Variants in NME8 observed in about 807,000 individuals in gnomAD.
The protein encoded by NME8 is NME/NM23 family member 8.
A neutral mutation model predicts 82.3 loss-of-function variants in NME8; 72 were observed. The observed-to-expected ratio is 0.87, with a 90% CI of 0.72 to 1.06. The LOEUF is 1.06. Among genes scored for constraint, NME8 ranks in the 50% least tolerant of loss-of-function variants. NME8 has a pLI of 0.00. For missense variants in NME8, 712 were observed against 685.4 expected, an observed-to-expected ratio of 1.04 and a Z score of -0.43; for synonymous variants, 267 against 228.5, an observed-to-expected ratio of 1.17 and a Z score of -1.52.
intron 11 of NME8, among the ~76,000 whole-genome samples, chr7:37,868,573 C>T (rs1005645936): frequency 1.1e-4 from 17 of 152,042 alleles, no homozygotes; most frequent in Non-Finnish European, 1.5e-4. Flanking sequence ...ACTGTGACTG[C>T]CCTGAAAGTT....
Position 37,850,420 on chromosome 7 carries a change from A to T in NME8, c.76A>T (p.Asn26Tyr). The T allele has an allele frequency of 6.2e-7, 1 of 1,614,122 alleles. No homozygotes were observed. The change falls in exon 4 of 18, where the codon AAC becomes TAC. Residue 26 changes from asparagine (N) to tyrosine (Y), a missense_variant. Coordinates refer to ENST00000199447, the MANE Select transcript of NME8 (RefSeq NM_016616.5). The part of the protein sequence containing the change: ...NQSLWDEMLQ[N>Y]KGLTVIDVYQ... ...AAGCCTGTGGGATGAGATGTTGCAG[A>T]ACAAAGGCTTAACAGGTATAAGGAC...
rs1784642860 is a variant in NME8, at chr7:37,864,359, A to G, written c.466A>G (p.Ser156Gly). 6.3e-7 allele frequency: 1 copy of G among 1,593,242 alleles called. No homozygotes were observed. The highest frequency in any genetic ancestry group is 8.6e-7 in the Non-Finnish European group (1 of 1,164,200). Reference sequence around the variant, plus strand: ...AAATTTTTTTCCAGAGGAATTATACAGTATTGCTATTATCAAACCGGATGC... The same window carrying G: ...AAATTTTTTTCCAGAGGAATTATACGGTATTGCTATTATCAAACCGGATGC... ...SPCESVQELY[S>G]IAIIKPDAVI... Residue 156 changes from serine (S) to glycine (G), a missense_variant, in exon 9 of 18, where the codon AGT becomes GGT. Physicochemically the swap from Ser to Gly is moderately conservative, Grantham distance 56 (BLOSUM62 0). Transcript: ENST00000199447.
At chr7:37,850,780 A>G in intron 5 of NME8, 45 bp downstream of exon 5, 1 of 1,201,788 alleles carries the variant, frequency 8.3e-7, no homozygotes, top group Non-Finnish European at 1.2e-6. Context: ...ACATTATATT[A>G]AGTTTTTAAG....
intron 8 of NME8, among the ~76,000 whole-genome samples, 183 bp downstream of exon 8, chr7:37,863,645 C>T (rs1032743979): frequency 3.3e-5 from 5 of 152,184 alleles, no homozygotes; most frequent in African/African-American, 7.2e-5. Context: ...TTTCCTCACT[C>T]GCCTTACCTT....
At chr7:37,859,647 A>G (rs868240483) in intron 6 of NME8, among the ~76,000 whole-genome samples, 1 of 152,072 alleles carries the variant, frequency 6.6e-6, no homozygotes, top group African/African-American at 2.4e-5. Context: ...CACTCCTGTC[A>G]TTTACCGACC....
chr7:37,855,081 C>G (rs1231757327), intron 5 of NME8, among the ~76,000 whole-genome samples: 1 of 152,092 alleles, frequency 6.6e-6, no homozygotes, highest in Non-Finnish European at 1.5e-5. Context: ...CTTCCAGGTC[C>G]TTATGAGCCC....
chr7:37,854,799 C>G (rs1260606729), intron 5 of NME8, among the ~76,000 whole-genome samples: 2 of 95,000 alleles, frequency 2.1e-5, no homozygotes, highest in Non-Finnish European at 5.7e-5. Flanking sequence ...ATCTTGAAAC[C>G]TTTCACCCCC....
At chr7:37,866,187 A>C (rs1165704003) in intron 10 of NME8, among the ~76,000 whole-genome samples, 1 of 152,052 alleles carries the variant, frequency 6.6e-6, no homozygotes, top group East Asian at 1.9e-4. Flanking sequence ...TAGCTACTAG[A>C]TACATGTGAT....
intron 17 of NME8, among the ~76,000 whole-genome samples, chr7:37,897,427 A>G (rs1785246542): frequency 2.0e-5 from 3 of 152,172 alleles, no homozygotes; most frequent in Admixed American, 6.5e-5. Context: ...GTCTTCTACC[A>G]TGATATAAAA....
chr7:37,857,176 T>C, intron 5 of NME8, 98 bp from the exon 6 acceptor site: 1 of 977,396 alleles, frequency 1.0e-6, no homozygotes, highest in Non-Finnish European at 1.6e-6. Flanking sequence ...GCAGTAAACC[T>C]AAAAATTATA....
At chr7:37,866,987 T>C (rs982145) in intron 10 of NME8, among the ~76,000 whole-genome samples, 117,132 of 152,134 alleles carry the variant, frequency 0.77, 45,435 homozygotes, top group African/African-American at 0.87. Context: ...ATGAGGCTTT[T>C]ACTGAATACA....
At chr7:37,882,571 GA>G (rs1443761671) in intron 12 of NME8, among the ~76,000 whole-genome samples, 1 of 36,680 alleles carries the variant, frequency 2.7e-5, no homozygotes, top group Non-Finnish European at 5.8e-5. Flanking sequence ...AAGAAAGAAA[GA>G]AAGAAAGAAA....
chr7:37,880,072 A>G (rs914458901), intron 12 of NME8, among the ~76,000 whole-genome samples: 4 of 128,248 alleles, frequency 3.1e-5, no homozygotes, highest in Non-Finnish European at 6.9e-5. Context: ...ATTGTTGAGT[A>G]GAAAGGTTTT....
At chr7:37,873,154 G>T (rs2722306) in intron 11 of NME8, among the ~76,000 whole-genome samples, 84,447 of 151,722 alleles carry the variant, frequency 0.56, 24,653 homozygotes, top group East Asian at 0.68. Flanking sequence ...GAAGTCAGGA[G>T]CTCAAGACCA....
In NME8 at chr7:37,865,547, T is replaced by C. The variant is rs773680993; in HGVS notation, c.551T>C (p.Ile184Thr). The C allele has an allele frequency of 6.8e-6, 11 of 1,612,824 alleles. No homozygotes were observed. Among genetic ancestry groups the C allele is most frequent in the Middle Eastern group, 1.7e-4 (1 of 6,052 alleles). ...AAGATTACCAAAGCTGGATTTATTA[T>C]AGAAGCAGAGCATAAGACAGTGCTC... ...KRKITKAGFIIEAEHKTVLTE... is the reference protein window; with the variant it reads ...KRKITKAGFITEAEHKTVLTE... Residue 184 changes from isoleucine (I) to threonine (T), a missense_variant, in exon 10 of 18, where the codon ATA (isoleucine) becomes ACA (threonine). Ile to Thr is a moderately conservative substitution (Grantham distance 89). Coordinates refer to ENST00000199447, the MANE Select transcript of NME8 (RefSeq NM_016616.5).
chr7:37,884,849 C>A (rs1236122905), intron 13 of NME8, among the ~76,000 whole-genome samples: 1 of 152,168 alleles, frequency 6.6e-6, no homozygotes, highest in Non-Finnish European at 1.5e-5. Flanking sequence ...ACTGAAATAG[C>A]AATTGAGGCT....
At chr7:37,860,193 T>C (rs1185590469) in intron 6 of NME8, among the ~76,000 whole-genome samples, 1 of 152,232 alleles carries the variant, frequency 6.6e-6, no homozygotes, top group Admixed American at 6.5e-5. Flanking sequence ...ATTTAAAAAA[T>C]ATATAATACT....
At chr7:37,864,840 AAG>A (rs745829008) in intron 9 of NME8, among the ~76,000 whole-genome samples, 21 of 152,174 alleles carry the variant, frequency 1.4e-4, no homozygotes, top group Non-Finnish European at 2.2e-4. Context: ...GCAGCAGGCA[AAG>A]AGAACTTGTG....
chr7:37,867,848 T>A lies in NME8; in HGVS notation c.768T>A (p.Pro256=). The change falls in exon 11 of 18, where the codon CCT becomes CCA. Residue 256 remains proline, a synonymous_variant. Transcript: ENST00000199447. ...CTAACGAACGATCTGAGGATCAACC[T>A]GAGGTCGAAGCCCAGGTTACACCTG... is the stretch of plus-strand genomic sequence containing the variant. The part of the protein sequence containing the change: ...TEPNERSEDQ[P]EVEAQVTPGM... 9 of 1,613,798 alleles carry A rather than the reference T, an allele frequency of 5.6e-6. 1 individual carries two copies. In the Middle Eastern group the frequency reaches 9.9e-4, roughly 178 times the overall value.
Sources: allele counts gnomAD v4.1 joint callset (sites outside exome capture counted in the v4.1 genomes callset), GRCh38; gene constraint gnomAD v4.1.1; transcripts MANE v1.5; gene names NCBI Gene and HGNC (gene_info 2026-07-23, HGNC 2026-07-21).